FGD4: variants seen among roughly 807,000 people sequenced by gnomAD.
FGD4 encodes FYVE, RhoGEF and PH domain-containing protein 4.
A neutral mutation model predicts 102.0 loss-of-function variants in FGD4; 42 were observed. The ratio of observed to expected loss-of-function variants is 0.41; its 90% CI spans 0.32 to 0.53. The LOEUF (loss-of-function observed/expected upper bound fraction) is 0.53, where lower values mean the gene tolerates loss of function less well. FGD4 is among the 20% of genes least tolerant of loss of function. FGD4 has a pLI of 0.21. For synonymous variants in FGD4, 380 were observed against 375.7 expected (o/e 1.01, Z -0.13); for missense variants, 902 against 1,078.2 (o/e 0.84, Z 2.29).
intron 10 of FGD4, among the ~76,000 whole-genome samples, chr12:32,612,787 A>G (rs544452703): frequency 9.2e-5 from 14 of 152,226 alleles, no homozygotes; most frequent in African/African-American, 3.1e-4. Flanking sequence ...TCTATGGGAA[A>G]AGTACATGAG....
intron 16 of FGD4, among the ~76,000 whole-genome samples, chr12:32,640,044 C>G (rs1475574038): frequency 2.0e-5 from 3 of 152,100 alleles, no homozygotes; most frequent in East Asian, 1.9e-4. Context: ...GGTGTAGTGT[C>G]TCTGAGTCCT....
At chr12:32,530,800 A>T (rs1013968106) in intron 1 of FGD4, among the ~76,000 whole-genome samples, 1 of 152,180 alleles carries the variant, frequency 6.6e-6, no homozygotes. Context: ...CACTTTTAAT[A>T]AATTTGCCAA....
Position 32,642,712 on chromosome 12 carries a change from T to A in FGD4, c.*2179T>A, listed in dbSNP as rs1187594815. The A allele has an allele frequency of 6.6e-6, 1 of 152,136 alleles. No individual in the cohort carries two copies. Among genetic ancestry groups the A allele is most frequent in the Non-Finnish European group, 1.5e-5 (1 of 67,962 alleles). 9.4% of individuals were successfully genotyped at this position (152,136 alleles called of 1,614,324 possible). ...GAGAAGCATTAATACTAGAAGAGAA[T>A]TTCTGGTTATCCGGTCACCATATTC... On this transcript the variant is annotated 3_prime_UTR_variant, in exon 17 of 17. Coordinates refer to ENST00000534526, the MANE Select transcript of FGD4 (RefSeq NM_001370298.3).
At chr12:32,553,611 A>G (rs939203139) in intron 1 of FGD4, among the ~76,000 whole-genome samples, 17 of 152,318 alleles carry the variant, frequency 1.1e-4, no homozygotes, top group Admixed American at 5.2e-4. Flanking sequence ...ACCTTTAAAA[A>G]TATTGAATAT....
chr12:32,419,528 G>A (rs888482835), intron 1 of FGD4, among the ~76,000 whole-genome samples: 15 of 151,554 alleles, frequency 9.9e-5, no homozygotes, highest in African/African-American at 3.4e-4. Flanking sequence ...TGCTGGGGAT[G>A]GGGGAGGCAT....
chr12:32,440,119 A>T (rs1055705135), intron 1 of FGD4, among the ~76,000 whole-genome samples: 1 of 152,202 alleles, frequency 6.6e-6, no homozygotes, highest in African/African-American at 2.4e-5. Context: ...GAAAGGTCAC[A>T]TATCTCTGTT....
intron 1 of FGD4, among the ~76,000 whole-genome samples, chr12:32,527,601 T>C (rs900506472): frequency 2.0e-5 from 3 of 152,130 alleles, no homozygotes; most frequent in Non-Finnish European, 4.4e-5. Flanking sequence ...AGCTAATTTT[T>C]GTATTTTTAG....
chr12:32,431,858 A>G (rs1048037415), intron 1 of FGD4, among the ~76,000 whole-genome samples: 1 of 152,146 alleles, frequency 6.6e-6, no homozygotes, highest in African/African-American at 2.4e-5. Flanking sequence ...TTACACAAAT[A>G]GAATTTTATG....
intron 1 of FGD4, among the ~76,000 whole-genome samples, chr12:32,451,764 C>T (rs994093542): frequency 2.3e-5 from 3 of 131,202 alleles, no homozygotes; most frequent in African/African-American, 5.6e-5. Context: ...AAAAATTAGC[C>T]GGGTATAGTG....
At chr12:32,461,889 GC>G (rs1943113649) in intron 1 of FGD4, among the ~76,000 whole-genome samples, 1 of 151,976 alleles carries the variant, frequency 6.6e-6, no homozygotes. Flanking sequence ...ACCACGCCAG[GC>G]TAATTTTTAT....
intron 1 of FGD4, among the ~76,000 whole-genome samples, chr12:32,517,650 T>C (rs898471987): frequency 6.6e-6 from 1 of 152,122 alleles, no homozygotes; most frequent in African/African-American, 2.4e-5. Context: ...CCTAGAACTT[T>C]GAGAGGCCAA....
chr12:32,640,521 A>G lies in FGD4; in HGVS notation c.2700A>G (p.Lys900=). The G allele has an allele frequency of 1.9e-6, 3 of 1,613,976 alleles. No homozygotes were observed. Among genetic ancestry groups the G allele is most frequent in the Non-Finnish European group, 2.5e-6 (3 of 1,180,026 alleles). ...ATGATCATCCTGAACCTAAGAAAAA[A>G]TCAGAATGCTGAACTCCTCCAGGAC... is the stretch of plus-strand genomic sequence containing the variant. ...TLDDHPEPKK[K]SEC The change falls in exon 17 of 17, where the codon AAA becomes AAG. Residue 900 remains lysine, a synonymous_variant. Transcript: ENST00000534526.
intron 1 of FGD4, among the ~76,000 whole-genome samples, chr12:32,504,397 C>G (rs902270183): frequency 2.0e-5 from 3 of 152,160 alleles, no homozygotes; most frequent in African/African-American, 7.2e-5. Context: ...TGTCCACTTC[C>G]ATGCACAACA....
At chr12:32,539,744 T>TA (rs1592152374) in intron 1 of FGD4, among the ~76,000 whole-genome samples, 1 of 152,222 alleles carries the variant, frequency 6.6e-6, no homozygotes, top group South Asian at 2.1e-4. Context: ...CAAATGCAGT[T>TA]AAAATCTATG....
chr12:32,536,584 C>T (rs548650774), intron 1 of FGD4, among the ~76,000 whole-genome samples: 1 of 152,290 alleles, frequency 6.6e-6, no homozygotes, highest in South Asian at 2.1e-4. Context: ...TCTGATTTAT[C>T]TCCCACCACA....
chr12:32,411,686 G>T (rs1360908934), intron 1 of FGD4, among the ~76,000 whole-genome samples: 1 of 151,852 alleles, frequency 6.6e-6, no homozygotes, highest in Admixed American at 6.6e-5. Context: ...ACTCAAAAAG[G>T]CATACTGGTT....
At chr12:32,536,914 TTCTC>T (rs796371585) in intron 1 of FGD4, among the ~76,000 whole-genome samples, 3 of 151,970 alleles carry the variant, frequency 2.0e-5, no homozygotes, top group African/African-American at 7.3e-5. Context: ...TTTCTTTTTT[TTCTC>T]TCTCTCTTTT....
At chr12:32,600,381 A>G in intron 5 of FGD4, 2 of 1,088,206 alleles carry the variant, frequency 1.8e-6, no homozygotes, top group Non-Finnish European at 2.5e-6. Flanking sequence ...CTCTAAGGAC[A>G]TAATTTTTTG....
intron 1 of FGD4, among the ~76,000 whole-genome samples, chr12:32,545,298 G>A: frequency 6.6e-6 from 1 of 152,162 alleles, no homozygotes; most frequent in Non-Finnish European, 1.5e-5. Context: ...AACTGTGTAT[G>A]GTGCTGCTAA....
Sources: gnomAD v4.1 joint callset for allele counts (sites outside exome capture counted in the v4.1 genomes callset) on GRCh38, gnomAD v4.1.1 for gene constraint, MANE v1.5 for transcripts, NCBI Gene and HGNC (gene_info 2026-07-23, HGNC 2026-07-21) for gene names.